IFT74: variants seen among roughly 807,000 people sequenced by gnomAD.
The protein encoded by IFT74 is intraflagellar transport 74, also known as intraflagellar transport protein 74 homolog.
A neutral mutation model predicts 96.7 loss-of-function variants in IFT74; 92 were observed. The ratio of observed to expected loss-of-function variants is 0.95; its 90% CI spans 0.80 to 1.13. The LOEUF (loss-of-function observed/expected upper bound fraction) is 1.13. IFT74 is among the 50% of genes most tolerant of loss of function. The pLI, the probability that IFT74 is intolerant of heterozygous loss-of-function variation, is 0.00. For synonymous variants in IFT74, 223 were observed against 213.2 expected, an observed-to-expected ratio of 1.05 and a Z score of -0.40; for missense variants, 811 against 698.2, an observed-to-expected ratio of 1.16 and a Z score of -1.82.
chr9:27,035,505 T>C (rs1321541513), intron 13 of IFT74, among the ~76,000 whole-genome samples: 5 of 152,380 alleles, frequency 3.3e-5, no homozygotes, highest in Admixed American at 2.0e-4. Context: ...ATGCAAATTC[T>C]TGGGCTCTAC....
intron 1 of IFT74, among the ~76,000 whole-genome samples, 173 bp from the exon 2 acceptor site, chr9:26,961,776 T>C (rs1307892547): frequency 6.6e-6 from 1 of 152,170 alleles, no homozygotes; most frequent in East Asian, 1.9e-4. Flanking sequence ...AACAATCTCA[T>C]AGTTGTAAAT....
intron 7 of IFT74, 87 bp from the exon 8 acceptor site, chr9:26,990,047 C>T: frequency 3.2e-6 from 2 of 632,596 alleles, no homozygotes; most frequent in Non-Finnish European, 5.2e-6. Context: ...AGTAATTTCT[C>T]ATTTAGTTCC....
At position 27,062,921 on chromosome 9, in the gene IFT74, A is replaced by G. The variant is rs543396016; in HGVS notation, c.*185A>G. 1.1e-4 allele frequency: 52 copies of G among 490,650 alleles called. No homozygotes were observed. The highest frequency in any genetic ancestry group is 1.7e-4 in the Non-Finnish European group (48 of 280,750). 30.4% of individuals were successfully genotyped at this position (490,650 alleles called of 1,614,324 possible). A position where few individuals can be genotyped will look rare whatever the true frequency, so the allele number is the denominator to read the frequency against. The stretch of plus-strand genomic sequence containing the variant: ...GTAAATAGTTCAATAAATGGTTTGC[A>G]TATTAAAAAGTACCATCTTCTTTTC... On this transcript the variant is annotated 3_prime_UTR_variant, in exon 20 of 20. Transcript: ENST00000380062.
rs570746557 is a variant in IFT74 at position 27,021,500 on chromosome 9, T to G, written c.974+2813T>G. On this transcript the variant is annotated intron_variant, in intron 12 of 19. Coordinates refer to ENST00000380062, the MANE Select transcript of IFT74 (RefSeq NM_025103.4). ...CCACATCCACACCAACATCTATTTTTAAAAATTTTTTAATTATGGCCATTC... is the reference window on the plus strand; with the variant it reads ...CCACATCCACACCAACATCTATTTTGAAAAATTTTTTAATTATGGCCATTC... Among the ~76,000 whole-genome samples, 5 of 152,356 alleles carry G rather than the reference T, an allele frequency of 3.3e-5. No individual in the cohort carries two copies. The South Asian group carries it at 1.0e-3, about 32-fold the overall frequency.
chr9:26,996,612 A>G (rs1828173451), intron 8 of IFT74: 2 of 644,834 alleles, frequency 3.1e-6, no homozygotes, highest in African/African-American at 1.9e-5. Context: ...AAGGCATTAT[A>G]AGAAATTCCT....
rs117292791 is a variant in IFT74 at position 27,004,382 on chromosome 9, G to A, written c.588-4638G>A. Among the ~76,000 whole-genome samples the A allele has an allele frequency of 2.0e-4, 30 of 152,240 alleles. No homozygotes were observed. In the East Asian group the frequency reaches 5.4e-3, roughly 27 times the overall value. On this transcript the variant is annotated intron_variant, in intron 8 of 19. Transcript: ENST00000380062. The stretch of plus-strand genomic sequence containing the variant: ...AAGCATTCAACAAATCTAAAGCATC[G>A]TTAGGTCTGAAGCTGTGAAATACAT...
chr9:27,065,085 A>G lies in IFT74; in HGVS notation c.*2349A>G, dbSNP rs575006897. Among the ~76,000 whole-genome samples, 132 of 152,274 alleles carry G rather than the reference A, an allele frequency of 8.7e-4. No individual in the cohort carries two copies. The highest frequency in any genetic ancestry group is 2.6e-3 in the African/African-American group (106 of 41,560). On this transcript the variant is annotated 3_prime_UTR_variant, in exon 20 of 20. Coordinates refer to ENST00000380062, the MANE Select transcript of IFT74 (RefSeq NM_025103.4). Reference sequence around the variant, plus strand: ...AGGAAGATTGGCCTGTCCATTAAATATATGTGTTTGCATTATAACAATGGG... The same window carrying G: ...AGGAAGATTGGCCTGTCCATTAAATGTATGTGTTTGCATTATAACAATGGG...
intron 13 of IFT74, among the ~76,000 whole-genome samples, chr9:27,035,511 T>C (rs945773883): frequency 2.0e-5 from 3 of 152,246 alleles, no homozygotes; most frequent in Non-Finnish European, 2.9e-5. Context: ...ATTCTTGGGC[T>C]CTACCCCAGA....
At chr9:27,046,988 C>G (rs1819719927) in intron 14 of IFT74, among the ~76,000 whole-genome samples, 1 of 152,114 alleles carries the variant, frequency 6.6e-6, no homozygotes, top group South Asian at 2.1e-4. Context: ...TCCTGGCCAA[C>G]ATGGTGAAAC....
intron 8 of IFT74, among the ~76,000 whole-genome samples, chr9:26,998,850 C>T (rs909524572): frequency 6.6e-6 from 1 of 151,392 alleles, no homozygotes; most frequent in Admixed American, 6.6e-5. Flanking sequence ...AAAAGTCAGC[C>T]GGGCATGGTG....
chr9:27,018,590 G>T, intron 11 of IFT74, 57 bp from the exon 12 acceptor site: 1 of 887,408 alleles, frequency 1.1e-6, no homozygotes, highest in Non-Finnish European at 1.7e-6. Context: ...TTATCTTTAA[G>T]ATAGCCTTAC....
chr9:26,960,510 G>A (rs145602246), intron 1 of IFT74, among the ~76,000 whole-genome samples: 19 of 152,008 alleles, frequency 1.2e-4, no homozygotes, highest in Non-Finnish European at 2.4e-4. Flanking sequence ...TTTATTTCAC[G>A]TTTAAGTATC....
At position 26,990,137 on chromosome 9, in the gene IFT74, A is replaced by G; in HGVS notation, c.529A>G (p.Lys177Glu). The change falls in exon 8 of 20, where the codon AAA (lysine) becomes GAA (glutamate). Residue 177 changes from lysine to glutamate, a missense_variant. Lys to Glu is a moderately conservative substitution (Grantham distance 56). Transcript: ENST00000380062. Reference protein sequence around the residue: ...EEVMNDYNMLKAQNDRETQSL... With the variant: ...EEVMNDYNMLEAQNDRETQSL... ...CTTATGTGTTAACTTTATTCAGCTT[A>G]AAGCTCAAAATGATCGAGAAACACA... The G allele has an allele frequency of 1.3e-6, 2 of 1,502,342 alleles. No individual in the cohort carries two copies. The highest frequency in any genetic ancestry group is 1.8e-6 in the Non-Finnish European group (2 of 1,127,440). The allele number at this position is 1,502,342 out of a possible 1,614,324, so 93.1% of individuals were successfully genotyped here. A position where few individuals can be genotyped will look rare whatever the true frequency, so the allele number is the denominator to read the frequency against.
At chr9:26,992,466 G>A (rs1208539179) in intron 8 of IFT74, among the ~76,000 whole-genome samples, 1 of 152,146 alleles carries the variant, frequency 6.6e-6, no homozygotes, top group Non-Finnish European at 1.5e-5. Flanking sequence ...GCTGAAGTGG[G>A]TGGATCACCT....
At chr9:27,001,417 A>G (rs1181573791) in intron 8 of IFT74, among the ~76,000 whole-genome samples, 1 of 152,142 alleles carries the variant, frequency 6.6e-6, no homozygotes. Context: ...ACTAATTTAC[A>G]TTCCCAAGAG....
intron 2 of IFT74, among the ~76,000 whole-genome samples, chr9:26,969,142 T>C (rs1184265924): frequency 6.6e-6 from 1 of 152,150 alleles, no homozygotes; most frequent in Non-Finnish European, 1.5e-5. Flanking sequence ...TTTTAAAAAA[T>C]TTCCTTTTTA....
In IFT74 at chr9:27,011,898, C is replaced by T. The variant is rs1829097660; in HGVS notation, c.727-8C>T. 9 of 1,505,260 alleles carry T rather than the reference C, an allele frequency of 6.0e-6. No homozygotes were observed. The highest frequency in any genetic ancestry group is 2.7e-5 in the South Asian group (2 of 74,368). The allele number at this position is 1,505,260 out of a possible 1,614,324, so 93.2% of individuals were successfully genotyped here. A position where few individuals can be genotyped will look rare whatever the true frequency, so the allele number is the denominator to read the frequency against. The stretch of plus-strand genomic sequence containing the variant: ...TGGATTTATGTTTGCTTTTTTTTTT[C>T]CACTTAGGAATTAGATACACTTCAA... On this transcript the variant is annotated splice_polypyrimidine_tract_variant and splice_region_variant and intron_variant, in intron 9 of 19. Coordinates refer to ENST00000380062, the MANE Select transcript of IFT74 (RefSeq NM_025103.4).
At chr9:27,043,705 C>G (rs1158348429) in intron 13 of IFT74, among the ~76,000 whole-genome samples, 5 of 152,200 alleles carry the variant, frequency 3.3e-5, no homozygotes, top group Admixed American at 3.3e-4. Context: ...GTACTACCAT[C>G]TTCTCAGATG....
At chr9:26,997,789 C>G in intron 8 of IFT74, 1 of 1,613,878 alleles carries the variant, frequency 6.2e-7, no homozygotes, top group Non-Finnish European at 8.5e-7. Flanking sequence ...AAGAGCAGTT[C>G]CATAGGTTTC....
Sources: gnomAD v4.1 joint callset for allele counts (sites outside exome capture counted in the v4.1 genomes callset) on GRCh38, gnomAD v4.1.1 for gene constraint, MANE v1.5 for transcripts, NCBI Gene and HGNC (gene_info 2026-07-23, HGNC 2026-07-21) for gene names.